MCPH1: variants seen among roughly 807,000 people sequenced by gnomAD.
MCPH1 encodes the protein microcephalin 1.
A neutral mutation model predicts 84.5 loss-of-function variants in MCPH1; 104 were observed. The observed-to-expected ratio is 1.23, with a 90% CI of 1.05 to 1.45. MCPH1 has a LOEUF of 1.45. Among genes scored for constraint, MCPH1 ranks in the 40% most tolerant of loss-of-function variants. The pLI, the probability that MCPH1 is intolerant of heterozygous loss-of-function variation, is 0.00. For missense variants in MCPH1, 1,498 were observed against 1,005.7 expected, an observed-to-expected ratio of 1.49 and a Z score of -6.62; for synonymous variants, 514 against 366.8, an observed-to-expected ratio of 1.40 and a Z score of -4.58.
intron 12 of MCPH1, chr8:6,562,988 CCA>C: frequency 4.6e-6 from 7 of 1,532,148 alleles, no homozygotes; most frequent in South Asian, 1.3e-5. Context: ...AAACACACGT[CCA>C]GAGTCCCGAG....
intron 12 of MCPH1, among the ~76,000 whole-genome samples, chr8:6,561,564 C>A (rs149595380): frequency 7.8e-4 from 119 of 152,316 alleles, no homozygotes; most frequent in African/African-American, 2.8e-3. Flanking sequence ...TAGGGTCATG[C>A]GTCAAATGAG....
chr8:6,447,402 A>G, intron 8 of MCPH1: 1 of 985,368 alleles, frequency 1.0e-6, no homozygotes, highest in Non-Finnish European at 1.2e-6. Context: ...GCTTTTTGCC[A>G]TTTCTGTTTT....
chr8:6,615,235 C>T (rs368016967), intron 12 of MCPH1, among the ~76,000 whole-genome samples: 5 of 152,196 alleles, frequency 3.3e-5, no homozygotes, highest in South Asian at 2.1e-4. Context: ...TTTCTGCTCA[C>T]GACTCCATGT....
intron 9 of MCPH1, among the ~76,000 whole-genome samples, chr8:6,473,192 A>G (rs1807981146): frequency 6.6e-6 from 1 of 152,118 alleles, no homozygotes; most frequent in South Asian, 2.1e-4. Flanking sequence ...TTAAATGTTT[A>G]GTCTTTAGTT....
In MCPH1 at chr8:6,635,902, G is replaced by C. The variant is rs144718909; in HGVS notation, c.2453-7092G>C. On this transcript the variant is annotated intron_variant, in intron 13 of 13. Coordinates refer to ENST00000344683, the MANE Select transcript of MCPH1 (RefSeq NM_024596.5). ...TGCTGCTGTTGTTCAGCAGCTGATT[G>C]CGGTCTCTGCTGATGCCACTGGCTG... Among the ~76,000 whole-genome samples the C allele has an allele frequency of 6.3e-3, 956 of 152,354 alleles. 9 individuals carry two copies. Among genetic ancestry groups the C allele is most frequent in the African/African-American group, 0.022 (900 of 41,570 alleles).
chr8:6,427,680 C>G (rs1380915672), intron 3 of MCPH1, among the ~76,000 whole-genome samples: 1 of 152,060 alleles, frequency 6.6e-6, no homozygotes, highest in African/African-American at 2.4e-5. Flanking sequence ...GCACCCGGCT[C>G]CTCCCATAAG....
intron 12 of MCPH1, among the ~76,000 whole-genome samples, chr8:6,620,693 G>A (rs1831321827): frequency 6.6e-6 from 1 of 152,206 alleles, no homozygotes; most frequent in Admixed American, 6.5e-5. Context: ...CGCAGGGTGT[G>A]TACACTGAAG....
intron 12 of MCPH1, among the ~76,000 whole-genome samples, chr8:6,526,823 T>C (rs114671644): frequency 0.012 from 1,773 of 152,322 alleles, 41 homozygotes; most frequent in African/African-American, 0.04. Flanking sequence ...CATAAAATTA[T>C]CCTCTTTTGT....
chr8:6,499,816 A>C (rs1164570740), intron 11 of MCPH1, 36 bp from the exon 12 acceptor site: 1 of 1,593,064 alleles, frequency 6.3e-7, no homozygotes, highest in Non-Finnish European at 8.6e-7. Flanking sequence ...AAGGCTAATA[A>C]ATGTATAATA....
intron 8 of MCPH1, among the ~76,000 whole-genome samples, chr8:6,452,516 A>G (rs1181097844): frequency 2.6e-5 from 4 of 152,240 alleles, no homozygotes; most frequent in Admixed American, 6.5e-5. Flanking sequence ...TCACAGGGAA[A>G]TGCTGTGGAC....
At chr8:6,628,379 G>A (rs1313712279) in intron 13 of MCPH1, among the ~76,000 whole-genome samples, 1 of 147,954 alleles carries the variant, frequency 6.8e-6, no homozygotes, top group East Asian at 2.0e-4. Context: ...GCTGAGGCAG[G>A]AGAATGCATG....
At chr8:6,485,637 T>G (rs1809795403) in intron 11 of MCPH1, among the ~76,000 whole-genome samples, 1 of 152,178 alleles carries the variant, frequency 6.6e-6, no homozygotes, top group Admixed American at 6.5e-5. Flanking sequence ...CAAATGTATG[T>G]CTGTATTGCC....
chr8:6,521,886 T>G (rs1036132974), intron 12 of MCPH1, among the ~76,000 whole-genome samples: 2 of 152,234 alleles, frequency 1.3e-5, no homozygotes, highest in East Asian at 3.8e-4. Context: ...TAATGCTATG[T>G]GAGAAATACT....
At chr8:6,487,828 A>G (rs1390063663) in intron 11 of MCPH1, among the ~76,000 whole-genome samples, 1 of 152,186 alleles carries the variant, frequency 6.6e-6, no homozygotes, top group East Asian at 1.9e-4. Flanking sequence ...GCACTGTCTC[A>G]CTGGATCCTG....
At chr8:6,591,979 T>G (rs1023319230) in intron 12 of MCPH1, among the ~76,000 whole-genome samples, 4 of 152,156 alleles carry the variant, frequency 2.6e-5, no homozygotes, top group Non-Finnish European at 4.4e-5. Flanking sequence ...GGGAAAAAAT[T>G]CGACAACGCA....
chr8:6,514,801 T>C, intron 12 of MCPH1: 1 of 1,605,094 alleles, frequency 6.2e-7, no homozygotes, highest in South Asian at 1.1e-5. Context: ...ATGCAGGGTA[T>C]AAGTGACAGA....
chr8:6,432,873 G>A (rs1802041737), intron 4 of MCPH1, among the ~76,000 whole-genome samples: 1 of 152,214 alleles, frequency 6.6e-6, no homozygotes, highest in Admixed American at 6.5e-5. Context: ...AAACACATCA[G>A]TAGTACATAC....
At chr8:6,524,351 A>G (rs2129570057) in intron 12 of MCPH1, among the ~76,000 whole-genome samples, 1 of 152,336 alleles carries the variant, frequency 6.6e-6, no homozygotes, top group South Asian at 2.1e-4. Flanking sequence ...TATTCTATAC[A>G]TTTCACTAGC....
chr8:6,416,122 G>T (rs1363604405), intron 3 of MCPH1, among the ~76,000 whole-genome samples: 2 of 152,138 alleles, frequency 1.3e-5, no homozygotes, highest in African/African-American at 4.8e-5. Context: ...GCAGGTGATT[G>T]TTGTATGTTG....
Sources: gnomAD v4.1 joint callset for allele counts (sites outside exome capture counted in the v4.1 genomes callset) on GRCh38, gnomAD v4.1.1 for gene constraint, MANE v1.5 for transcripts, NCBI Gene and HGNC (gene_info 2026-07-23, HGNC 2026-07-21) for gene names.